The following SGCD variants were observed in gnomAD, a reference collection of about 807,000 sequenced individuals.
SGCD encodes delta-sarcoglycan.
A neutral mutation model predicts 36.6 loss-of-function variants in SGCD; 18 were observed. That is an observed-to-expected ratio of 0.49 (90% CI 0.34 to 0.73). SGCD has a LOEUF of 0.73. Among genes scored for constraint, SGCD ranks in the 30% least tolerant of loss-of-function variants. The pLI, the probability that SGCD is intolerant of heterozygous loss-of-function variation, is 0.01. For missense variants in SGCD, 387 were observed against 346.7 expected, an observed-to-expected ratio of 1.12 and a Z score of -0.92; for synonymous variants, 133 against 130.6, an observed-to-expected ratio of 1.02 and a Z score of -0.12.
At chr5:156,541,045 G>A (rs1463094240) in intron 4 of SGCD, among the ~76,000 whole-genome samples, 1 of 152,172 alleles carries the variant, frequency 6.6e-6, no homozygotes, top group Non-Finnish European at 1.5e-5. Flanking sequence ...AGGTATCTCT[G>A]AGACCCACAG....
At chr5:156,332,507 CAACTG>C (rs1260897683) in intron 2 of SGCD, among the ~76,000 whole-genome samples, 5 of 152,170 alleles carry the variant, frequency 3.3e-5, no homozygotes, top group African/African-American at 1.2e-4. Context: ...TAGAGTTTCT[CAACTG>C]AACCAAAGAA....
At chr5:156,719,137 A>G (rs191040704) in intron 7 of SGCD, among the ~76,000 whole-genome samples, 282 of 152,262 alleles carry the variant, frequency 1.9e-3, no homozygotes, top group African/African-American at 6.5e-3. Context: ...GAATTGGGTC[A>G]CACACTTGTA....
At chr5:156,420,233 T>TC (rs1224714797) in intron 3 of SGCD, among the ~76,000 whole-genome samples, 24 of 152,176 alleles carry the variant, frequency 1.6e-4, no homozygotes, top group African/African-American at 5.1e-4. Flanking sequence ...GATGGAGCTC[T>TC]CTTTCTGGTT....
chr5:155,811,129 T>C, the SGCD span, among the ~76,000 whole-genome samples: 1 of 152,228 alleles, frequency 6.6e-6, no homozygotes, highest in East Asian at 1.9e-4. Flanking sequence ...GTGTCTGCTT[T>C]TAACTGATAA....
At chr5:156,598,656 A>G (rs1761039164) in intron 6 of SGCD, among the ~76,000 whole-genome samples, 1 of 152,238 alleles carries the variant, frequency 6.6e-6, no homozygotes, top group African/African-American at 2.4e-5. Context: ...TGAATTTGGC[A>G]CTTCCTGTTA....
At chr5:156,559,313 G>T (rs60598425) in intron 4 of SGCD, among the ~76,000 whole-genome samples, 6,218 of 152,188 alleles carry the variant, frequency 0.041, 282 homozygotes, top group African/African-American at 0.11. Context: ...CTTAGTCTCT[G>T]CCTGGCTGCT....
chr5:156,311,664 C>T (rs1374360310), intron 3 of SGCD, among the ~76,000 whole-genome samples: 1 of 152,158 alleles, frequency 6.6e-6, no homozygotes, highest in Admixed American at 6.5e-5. Context: ...TTACCCTCCT[C>T]TACCAGCAGA....
At chr5:156,718,330 G>A (rs1299925101) in intron 7 of SGCD, among the ~76,000 whole-genome samples, 3 of 152,076 alleles carry the variant, frequency 2.0e-5, no homozygotes, top group African/African-American at 4.8e-5. Flanking sequence ...AAAATAGTAG[G>A]GTATGAATGT....
At chr5:156,068,627 G>A (rs993307795) in intron 1 of SGCD, among the ~76,000 whole-genome samples, 1 of 151,554 alleles carries the variant, frequency 6.6e-6, no homozygotes. Flanking sequence ...TAGTCCTTTG[G>A]GTATATACCC....
chr5:156,070,670 CT>C (rs1307577341), intron 1 of SGCD, among the ~76,000 whole-genome samples: 4 of 152,110 alleles, frequency 2.6e-5, no homozygotes, highest in African/African-American at 9.7e-5. Context: ...AGGATTCCCC[CT>C]TTTTCTATTG....
chr5:156,578,482 A>C (rs1291946989), intron 4 of SGCD, among the ~76,000 whole-genome samples: 1 of 152,198 alleles, frequency 6.6e-6, no homozygotes, highest in African/African-American at 2.4e-5. Context: ...TAGTTTCAGA[A>C]GGAATGGTAC....
At chr5:156,518,013 G>A (rs1757253415) in intron 4 of SGCD, among the ~76,000 whole-genome samples, 1 of 152,134 alleles carries the variant, frequency 6.6e-6, no homozygotes, top group South Asian at 2.1e-4. Flanking sequence ...AATGTAAATG[G>A]GCTAATTGCC....
chr5:156,523,254 A>G (rs1757487255), intron 4 of SGCD, among the ~76,000 whole-genome samples: 1 of 152,172 alleles, frequency 6.6e-6, no homozygotes, highest in South Asian at 2.1e-4. Flanking sequence ...TTTTAATGAT[A>G]TGTTTAGTGT....
At chr5:156,586,847 T>G (rs1487527353) in intron 4 of SGCD, among the ~76,000 whole-genome samples, 2 of 152,200 alleles carry the variant, frequency 1.3e-5, no homozygotes, top group Non-Finnish European at 2.9e-5. Context: ...TAAGGAGCTC[T>G]CCTCATGTAG....
chr5:155,911,229 C>T (rs576514858), intron 1 of SGCD, among the ~76,000 whole-genome samples: 13 of 151,722 alleles, frequency 8.6e-5, no homozygotes, highest in African/African-American at 3.1e-4. Flanking sequence ...TTTCCAATGG[C>T]TTCATTTCTA....
chr5:155,900,575 TC>T (rs1756367945), intron 1 of SGCD, among the ~76,000 whole-genome samples: 1 of 57,900 alleles, frequency 1.7e-5, no homozygotes, highest in Non-Finnish European at 3.4e-5. Context: ...CCCTCCCCCC[TC>T]CCCCCACTCC....
intron 7 of SGCD, among the ~76,000 whole-genome samples, chr5:156,691,661 A>G (rs1754115680): frequency 6.6e-6 from 1 of 152,206 alleles, no homozygotes; most frequent in Non-Finnish European, 1.5e-5. Context: ...TTTAATTTTA[A>G]CCATTAAAAA....
At chr5:156,589,738 T>G (rs745891635) in intron 5 of SGCD, among the ~76,000 whole-genome samples, 1 of 152,212 alleles carries the variant, frequency 6.6e-6, no homozygotes, top group African/African-American at 2.4e-5. Flanking sequence ...AAAGGGATTT[T>G]TAACTATAGT....
At chr5:156,574,180 T>A (rs73299113) in intron 4 of SGCD, among the ~76,000 whole-genome samples, 4,709 of 152,278 alleles carry the variant, frequency 0.031, 255 homozygotes, top group African/African-American at 0.11. Context: ...CCTGCTTAGC[T>A]GGTGGATGGT....
Sources: gnomAD v4.1 joint callset for allele counts (sites outside exome capture counted in the v4.1 genomes callset) on GRCh38, gnomAD v4.1.1 for gene constraint, MANE v1.5 for transcripts, NCBI Gene and HGNC (gene_info 2026-07-23, HGNC 2026-07-21) for gene names.